CACNB2: variants seen among roughly 807,000 people sequenced by gnomAD.
CACNB2 encodes calcium voltage-gated channel auxiliary subunit beta 2.
CACNB2 carries 42 observed loss-of-function variants against 73.3 expected under a neutral mutation model. That is an observed-to-expected ratio of 0.57 (90% CI 0.45 to 0.74). The LOEUF (loss-of-function observed/expected upper bound fraction) is 0.74. Ranked by LOEUF, CACNB2 falls within the 30% of genes least tolerant of loss-of-function variation. The pLI is 0.00. For synonymous variants in CACNB2, 348 were observed against 310.3 expected, an observed-to-expected ratio of 1.12 and a Z score of -1.28; for missense variants, 940 against 853.0, an observed-to-expected ratio of 1.10 and a Z score of -1.27.
At position 18,543,539 on chromosome 10, in the gene CACNB2, A is replaced by G. The variant is rs370121760; in HGVS notation, c.*3815A>G. On this transcript the variant is annotated 3_prime_UTR_variant, in exon 14 of 14. Coordinates refer to ENST00000324631, the MANE Select transcript of CACNB2 (RefSeq NM_201596.3). ...ATGTTAATATTAAATGTTAAAATAT[A>G]TATTAATTTTCCCTCACATTTCCCT... The G allele has an allele frequency of 1.3e-5, 2 of 152,162 alleles. No individual in the cohort carries two copies. Among genetic ancestry groups the G allele is most frequent in the African/African-American group, 4.8e-5 (2 of 41,434 alleles). 9.4% of individuals were successfully genotyped at this position (152,162 alleles called of 1,614,324 possible).
At chr10:18,316,078 AAC>A (rs2040171735) in intron 2 of CACNB2, among the ~76,000 whole-genome samples, 1 of 152,220 alleles carries the variant, frequency 6.6e-6, no homozygotes, top group South Asian at 2.1e-4. Flanking sequence ...CCAAAATTTT[AAC>A]AGTCAGGCAG....
intron 2 of CACNB2, among the ~76,000 whole-genome samples, chr10:18,365,895 G>A (rs11013862): frequency 0.31 from 46,769 of 151,970 alleles, 7,712 homozygotes; most frequent in East Asian, 0.71. Context: ...TCTTTGTTGA[G>A]GATGTAAGAA....
At chr10:18,491,362 T>A (rs2049412330) in intron 3 of CACNB2, among the ~76,000 whole-genome samples, 1 of 152,092 alleles carries the variant, frequency 6.6e-6, no homozygotes, top group East Asian at 1.9e-4. Flanking sequence ...GGCGGGAGGA[T>A]CACTTGAGGC....
rs1327269105 is a variant in CACNB2 at position 18,539,549 on chromosome 10, G to A, written c.1808G>A (p.Arg603Lys). 1.2e-6 allele frequency: 2 copies of A among 1,613,690 alleles called. No individual in the cohort carries two copies. Among genetic ancestry groups the A allele is most frequent in the African/African-American group, 1.3e-5 (1 of 74,790 alleles). The stretch of plus-strand genomic sequence containing the variant: ...CACGGGAGCAGTGACCACAGACACA[G>A]GGAGTCCCGGCACCGTTCCCGGGAC... The part of the protein sequence containing the change: ...ETHGSSDHRH[R>K]ESRHRSRDVD... The change falls in exon 14 of 14, where the codon AGG becomes AAG. Residue 603 changes from arginine to lysine, a missense_variant. Coordinates refer to ENST00000324631, the MANE Select transcript of CACNB2 (RefSeq NM_201596.3).
At chr10:18,298,539 C>G (rs1157306978) in intron 2 of CACNB2, among the ~76,000 whole-genome samples, 1 of 152,212 alleles carries the variant, frequency 6.6e-6, no homozygotes, top group African/African-American at 2.4e-5. Flanking sequence ...GTGAATCATT[C>G]CCTAAAATCA....
chr10:18,406,429 C>T (rs924762240), intron 3 of CACNB2, among the ~76,000 whole-genome samples: 1 of 152,194 alleles, frequency 6.6e-6, no homozygotes, highest in Non-Finnish European at 1.5e-5. Flanking sequence ...CAGCCACTCC[C>T]CACTGCTCAC....
intron 2 of CACNB2, chr10:18,256,895 G>A (rs979409628): frequency 1.3e-4 from 20 of 152,264 alleles, no homozygotes; most frequent in African/African-American, 4.6e-4. Flanking sequence ...ATAGTGAGCT[G>A]AGACTGCACC....
Position 18,539,848 on chromosome 10 carries a change from A to T in CACNB2, c.*124A>T. ...TGTGATCTGTCTTGTAATATTTTGT[A>T]TTATTGCTGTTGCTTGAATAGCAAT... On this transcript the variant is annotated 3_prime_UTR_variant, in exon 14 of 14. Coordinates refer to ENST00000324631, the MANE Select transcript of CACNB2 (RefSeq NM_201596.3). The T allele has an allele frequency of 9.7e-7, 1 of 1,027,492 alleles. No homozygotes were observed. 63.6% of individuals were successfully genotyped at this position (1,027,492 alleles called of 1,614,324 possible). A position where few individuals can be genotyped will look rare whatever the true frequency, so the allele number is the denominator to read the frequency against.
At chr10:18,439,518 G>A (rs924012308) in intron 3 of CACNB2, among the ~76,000 whole-genome samples, 1 of 152,148 alleles carries the variant, frequency 6.6e-6, no homozygotes, top group African/African-American at 2.4e-5. Context: ...GACCTCTTCT[G>A]ATCCCCTTCA....
chr10:18,340,588 T>C (rs1320039529), intron 2 of CACNB2: 2 of 788,770 alleles, frequency 2.5e-6, no homozygotes, highest in Non-Finnish European at 3.4e-6. Context: ...ACTAATGAAG[T>C]GTTACTGTAC....
chr10:18,265,694 G>A (rs1277723), intron 2 of CACNB2, among the ~76,000 whole-genome samples: 118,478 of 152,116 alleles, frequency 0.78, 46,287 homozygotes, highest in Middle Eastern at 0.83. Context: ...TTTGAGTCTC[G>A]GTTTTCTCAC....
At chr10:18,440,917 C>T (rs1443862726) in intron 3 of CACNB2, among the ~76,000 whole-genome samples, 3 of 152,158 alleles carry the variant, frequency 2.0e-5, no homozygotes, top group African/African-American at 7.2e-5. Context: ...AATGTTAGAA[C>T]ATCTGATGGA....
At chr10:18,500,529 G>A (rs2050136407) in intron 4 of CACNB2, among the ~76,000 whole-genome samples, 1 of 152,164 alleles carries the variant, frequency 6.6e-6, no homozygotes, top group African/African-American at 2.4e-5. Context: ...AACCCAGAGA[G>A]CTTATCCCTA....
chr10:18,296,410 G>A (rs1326807855), intron 2 of CACNB2, among the ~76,000 whole-genome samples: 4 of 151,988 alleles, frequency 2.6e-5, no homozygotes, highest in African/African-American at 9.7e-5. Flanking sequence ...ATTTACTTAC[G>A]CTCACAGCCA....
At chr10:18,330,822 C>T (rs990847175) in intron 2 of CACNB2, among the ~76,000 whole-genome samples, 1 of 151,734 alleles carries the variant, frequency 6.6e-6, no homozygotes, top group Non-Finnish European at 1.5e-5. Context: ...GCCCCCGCCA[C>T]CACGCCTGGC....
rs1470204178 is a variant in CACNB2, at chr10:18,542,034, A to G, written c.*2310A>G. Reference sequence around the variant, plus strand: ...TCCCTTACCCCCAAGAAAACGCAATATTAAAAATGATTAAGCTGGGGTGGT... The same window carrying G: ...TCCCTTACCCCCAAGAAAACGCAATGTTAAAAATGATTAAGCTGGGGTGGT... On this transcript the variant is annotated 3_prime_UTR_variant, in exon 14 of 14. Coordinates refer to ENST00000324631, the MANE Select transcript of CACNB2 (RefSeq NM_201596.3). 1 of 151,858 alleles carries G rather than the reference A, an allele frequency of 6.6e-6. No individual in the cohort carries two copies. Among genetic ancestry groups the G allele is most frequent in the East Asian group, 1.9e-4 (1 of 5,162 alleles). The allele number at this position is 151,858 out of a possible 1,614,324, so 9.4% of individuals were successfully genotyped here. A position where few individuals can be genotyped will look rare whatever the true frequency, so the allele number is the denominator to read the frequency against.
chr10:18,309,026 C>T (rs1338602455), intron 2 of CACNB2, among the ~76,000 whole-genome samples: 1 of 152,062 alleles, frequency 6.6e-6, no homozygotes, highest in Non-Finnish European at 1.5e-5. Flanking sequence ...AAACTTATTC[C>T]TCGGAAGTGA....
At position 18,140,658 on chromosome 10, in the gene CACNB2, A is replaced by T; in HGVS notation, c.-79A>T. ...CTGGGCGGCCCCCAGAGCCGATCAG[A>T]GCGCGGGGAGGCGGGGGCGAGGAGG... On this transcript the variant is annotated 5_prime_UTR_variant, in exon 1 of 14. Coordinates refer to ENST00000324631, the MANE Select transcript of CACNB2 (RefSeq NM_201596.3). 1 of 1,306,724 alleles carries T rather than the reference A, an allele frequency of 7.7e-7. No homozygotes were observed. The highest frequency in any genetic ancestry group is 1.3e-5 in the South Asian group (1 of 78,454). The allele number at this position is 1,306,724 out of a possible 1,614,324, so 80.9% of individuals were successfully genotyped here.
chr10:18,315,087 T>C (rs1049562204), intron 2 of CACNB2, among the ~76,000 whole-genome samples: 2 of 152,138 alleles, frequency 1.3e-5, no homozygotes, highest in African/African-American at 4.8e-5. Flanking sequence ...ATCTCAGCAC[T>C]TTGGGAGGCC....
Sources: allele counts gnomAD v4.1 joint callset (sites outside exome capture counted in the v4.1 genomes callset), GRCh38; gene constraint gnomAD v4.1.1; transcripts MANE v1.5; gene names NCBI Gene and HGNC (gene_info 2026-07-23, HGNC 2026-07-21).